Variants in RPAP2 observed in about 807,000 individuals in gnomAD.
RPAP2 encodes the protein putative RNA polymerase II subunit B1 CTD phosphatase RPAP2.
Under a neutral mutation model 73.1 loss-of-function variants are expected in RPAP2, and 52 were observed. That is an observed-to-expected ratio of 0.71 (90% CI 0.57 to 0.90). The LOEUF is 0.90. Ranked by LOEUF, RPAP2 falls within the 40% of genes least tolerant of loss-of-function variation. RPAP2 has a pLI of 0.00. For synonymous variants in RPAP2, 225 were observed against 242.1 expected (o/e 0.93, Z 0.65); for missense variants, 598 against 701.8 (o/e 0.85, Z 1.67).
intron 6 of RPAP2, 99 bp from the exon 7 acceptor site, chr1:92,320,500 T>A: frequency 3.5e-6 from 3 of 867,746 alleles, no homozygotes; most frequent in Non-Finnish European, 3.8e-6. Flanking sequence ...CTCAATCTCC[T>A]GACCTCGAGA....
At chr1:92,335,914 C>G (rs1483964437) in intron 9 of RPAP2, among the ~76,000 whole-genome samples, 2 of 152,076 alleles carry the variant, frequency 1.3e-5, no homozygotes, top group African/African-American at 4.8e-5. Context: ...CACATTTAAA[C>G]TGTTAATATA....
At chr1:92,386,764 A>C (rs1655878730) in intron 12 of RPAP2, among the ~76,000 whole-genome samples, 1 of 151,992 alleles carries the variant, frequency 6.6e-6, no homozygotes, top group Non-Finnish European at 1.5e-5. Context: ...GCAATGGTGC[A>C]ATCTTGGCTC....
At chr1:92,329,314 T>C (rs1652828397) in intron 8 of RPAP2, among the ~76,000 whole-genome samples, 2 of 152,292 alleles carry the variant, frequency 1.3e-5, no homozygotes, top group South Asian at 2.1e-4. Flanking sequence ...AATGGAGTTA[T>C]GTTCCCAGGT....
At chr1:92,383,170 A>G (rs1242979487) in intron 12 of RPAP2, among the ~76,000 whole-genome samples, 2 of 152,148 alleles carry the variant, frequency 1.3e-5, no homozygotes, top group Non-Finnish European at 2.9e-5. Flanking sequence ...TGGTTACTGT[A>G]GCCTTGTAGT....
In RPAP2 at chr1:92,307,295, TATATAC is replaced by T; in HGVS notation, c.488+22_488+27del. 1 of 1,493,380 alleles carries T rather than the reference TATATAC, an allele frequency of 6.7e-7. No homozygotes were observed. Among genetic ancestry groups the T allele is most frequent in the Admixed American group, 1.8e-5 (1 of 55,436 alleles). The allele number at this position is 1,493,380 out of a possible 1,614,324, so 92.5% of individuals were successfully genotyped here. A position where few individuals can be genotyped will look rare whatever the true frequency, so the allele number is the denominator to read the frequency against. On this transcript the variant is annotated intron_variant, in intron 6 of 12. Coordinates refer to ENST00000610020, the MANE Select transcript of RPAP2 (RefSeq NM_024813.3). ...AAGAGAGGTAATTTAAGTCATTGTG[TATATAC>T]ATTTGTTCATATATTCTAATAATTT... is the stretch of plus-strand genomic sequence containing the variant.
At chr1:92,347,687 T>G (rs951870853) in intron 11 of RPAP2, among the ~76,000 whole-genome samples, 2 of 152,138 alleles carry the variant, frequency 1.3e-5, no homozygotes, top group African/African-American at 4.8e-5. Context: ...AAAGTAAACC[T>G]CTCTAGTGTT....
intron 11 of RPAP2, among the ~76,000 whole-genome samples, chr1:92,371,396 T>G (rs1655148283): frequency 1.3e-5 from 2 of 150,176 alleles, no homozygotes; most frequent in African/African-American, 2.5e-5. Flanking sequence ...GGTATCTAGG[T>G]AGATAAATAA....
Position 92,392,824 on chromosome 1 carries a change from T to C in RPAP2, c.*5813T>C, listed in dbSNP as rs962213313. ...AAATACAAAGCACTGCTCAAGGAAA[T>C]AAGAGAGGACACAAACAAATGGAAA... On this transcript the variant is annotated 3_prime_UTR_variant, in exon 13 of 13. Transcript: ENST00000610020. 6.6e-6 allele frequency: 1 copy of C among 151,580 alleles called. No individual in the cohort carries two copies. Among genetic ancestry groups the C allele is most frequent in the Non-Finnish European group, 1.5e-5 (1 of 67,780 alleles). The allele number at this position is 151,580 out of a possible 1,614,324, so 9.4% of individuals were successfully genotyped here.
intron 12 of RPAP2, among the ~76,000 whole-genome samples, chr1:92,385,426 A>T (rs1655827353): frequency 6.6e-6 from 1 of 152,226 alleles, no homozygotes; most frequent in South Asian, 2.1e-4. Flanking sequence ...AAGTAATCAA[A>T]GGTAAATCTT....
intron 11 of RPAP2, among the ~76,000 whole-genome samples, chr1:92,370,889 G>A (rs569762068): frequency 6.6e-6 from 1 of 152,246 alleles, no homozygotes; most frequent in East Asian, 1.9e-4. Context: ...GAATTACACA[G>A]AAATAAAGAC....
chr1:92,373,328 AC>A (rs1655230286), intron 11 of RPAP2, among the ~76,000 whole-genome samples: 1 of 152,326 alleles, frequency 6.6e-6, no homozygotes, highest in African/African-American at 2.4e-5. Flanking sequence ...TAACCTCAGC[AC>A]AAATTGAGAT....
intron 5 of RPAP2, among the ~76,000 whole-genome samples, chr1:92,306,234 T>C (rs1651222946): frequency 1.3e-5 from 2 of 152,070 alleles, no homozygotes; most frequent in Admixed American, 6.6e-5. Flanking sequence ...GGGAAGTTAG[T>C]GTATAGGGTT....
At chr1:92,351,288 C>T (rs148395257) in intron 11 of RPAP2, among the ~76,000 whole-genome samples, 1 of 115,622 alleles carries the variant, frequency 8.6e-6, no homozygotes, top group Non-Finnish European at 1.6e-5. Flanking sequence ...GCCTGGTGAC[C>T]GAGTGAGACT....
chr1:92,312,625 T>C (rs1269286685), intron 6 of RPAP2, among the ~76,000 whole-genome samples: 2 of 152,204 alleles, frequency 1.3e-5, no homozygotes, highest in Non-Finnish European at 2.9e-5. Flanking sequence ...ATGAGATTGA[T>C]GCAATTCAGT....
intron 11 of RPAP2, among the ~76,000 whole-genome samples, chr1:92,369,227 T>G (rs763051673): frequency 3.9e-5 from 6 of 152,236 alleles, no homozygotes; most frequent in Non-Finnish European, 8.8e-5. Flanking sequence ...TATAAATTAC[T>G]GTTTTTTATT....
chr1:92,324,720 T>A (rs1652524431), intron 8 of RPAP2, among the ~76,000 whole-genome samples: 1 of 152,240 alleles, frequency 6.6e-6, no homozygotes, highest in Non-Finnish European at 1.5e-5. Flanking sequence ...TTCAGATTTT[T>A]ACATGGGGTC....
intron 11 of RPAP2, among the ~76,000 whole-genome samples, chr1:92,350,967 C>T (rs1270270049): frequency 6.6e-6 from 1 of 151,728 alleles, no homozygotes; most frequent in South Asian, 2.1e-4. Flanking sequence ...TATTTAGTAC[C>T]TATATACTCT....
At chr1:92,381,630 T>A (rs553246708) in intron 12 of RPAP2, among the ~76,000 whole-genome samples, 1 of 148,124 alleles carries the variant, frequency 6.8e-6, no homozygotes, top group East Asian at 2.0e-4. Context: ...ATAAAAGCAA[T>A]ACAGAATGTT....
At chr1:92,300,822 G>A (rs369334357) in intron 2 of RPAP2, among the ~76,000 whole-genome samples, 45 of 152,164 alleles carry the variant, frequency 3.0e-4, no homozygotes, top group African/African-American at 1.0e-3. Flanking sequence ...AAGATATGTC[G>A]GACCTGTGTT....
Sources: gnomAD v4.1 joint callset for allele counts (sites outside exome capture counted in the v4.1 genomes callset) on GRCh38, gnomAD v4.1.1 for gene constraint, MANE v1.5 for transcripts, NCBI Gene and HGNC (gene_info 2026-07-23, HGNC 2026-07-21) for gene names.